Variants in PDE4D observed in about 807,000 individuals in gnomAD.
PDE4D encodes the protein 3',5'-cyclic-AMP phosphodiesterase 4D.
A neutral mutation model predicts 87.4 loss-of-function variants in PDE4D; 24 were observed. The observed-to-expected ratio is 0.27, with a 90% CI of 0.20 to 0.39. PDE4D has a LOEUF of 0.39. Among genes scored for constraint, PDE4D ranks in the 10% least tolerant of loss-of-function variants. The pLI, the probability that PDE4D is intolerant of heterozygous loss-of-function variation, is 1.00. For synonymous variants in PDE4D, 384 were observed against 383.2 expected, an observed-to-expected ratio of 1.00 and a Z score of -0.02; for missense variants, 714 against 1,041.0, an observed-to-expected ratio of 0.69 and a Z score of 4.32.
At position 59,041,138 on chromosome 5, in the gene PDE4D, T is replaced by C. The variant is rs936949282; in HGVS notation, c.809-2167A>G. 5.3e-5 allele frequency among the ~76,000 whole-genome samples: 8 copies of C among 152,158 alleles called. No homozygotes were observed. The East Asian group carries it at 1.2e-3, about 22-fold the overall frequency. Reference sequence around the variant, plus strand: ...TTGCCAGGTGAATTAAAGTTTCAGATTGAAGCTTTTTTTTCCCCCTTAACA... The same window carrying C: ...TTGCCAGGTGAATTAAAGTTTCAGACTGAAGCTTTTTTTTCCCCCTTAACA... On this transcript the variant is annotated intron_variant, in intron 5 of 14. Transcript: ENST00000340635.
intron 1 of PDE4D, among the ~76,000 whole-genome samples, chr5:60,509,236 G>GAA (rs113046851): frequency 3.9e-5 from 6 of 152,230 alleles, no homozygotes; most frequent in African/African-American, 1.4e-4. Context: ...AATCACCAGT[G>GAA]AAAAACACAA....
intron 6 of PDE4D, 99 bp downstream of exon 6, chr5:59,038,760 A>G: frequency 8.3e-7 from 1 of 1,208,118 alleles, no homozygotes; most frequent in Non-Finnish European, 1.1e-6. Flanking sequence ...AAGCCTAAAA[A>G]ACCTCTCAAT....
intron 2 of PDE4D, among the ~76,000 whole-genome samples, chr5:60,117,825 TAC>T (rs370541468): frequency 4.2e-4 from 62 of 147,910 alleles, no homozygotes; most frequent in African/African-American, 1.1e-3. Context: ...CACACACACA[TAC>T]ACACACACAC....
At chr5:59,578,722 G>A (rs180935785) in intron 1 of PDE4D, among the ~76,000 whole-genome samples, 46 of 152,056 alleles carry the variant, frequency 3.0e-4, no homozygotes, top group Middle Eastern at 3.4e-3. Flanking sequence ...AGAAAACACA[G>A]GGCATAAAAC....
At chr5:59,066,010 T>C (rs1448757921) in intron 5 of PDE4D, among the ~76,000 whole-genome samples, 1 of 152,132 alleles carries the variant, frequency 6.6e-6, no homozygotes, top group Non-Finnish European at 1.5e-5. Context: ...TAAGCAAAGA[T>C]GTCCCAATTT....
intron 1 of PDE4D, among the ~76,000 whole-genome samples, chr5:59,651,453 A>G (rs1490244903): frequency 6.6e-6 from 1 of 151,904 alleles, no homozygotes; most frequent in Non-Finnish European, 1.5e-5. Context: ...CACCGAGTGA[A>G]AAAATAATTT....
At chr5:60,035,404 CTG>C (rs760655133) in intron 2 of PDE4D, among the ~76,000 whole-genome samples, 3 of 152,118 alleles carry the variant, frequency 2.0e-5, no homozygotes, top group East Asian at 3.9e-4. Context: ...ATTTTTGTCT[CTG>C]TTTTACAGAT....
At chr5:60,287,717 T>C (rs1752539391) in intron 1 of PDE4D, among the ~76,000 whole-genome samples, 1 of 152,206 alleles carries the variant, frequency 6.6e-6, no homozygotes, top group South Asian at 2.1e-4. Flanking sequence ...AGTTTATACT[T>C]TCCCTGCTTT....
intron 2 of PDE4D, among the ~76,000 whole-genome samples, chr5:60,157,478 AAGC>A (rs1782078182): frequency 1.3e-5 from 2 of 152,296 alleles, no homozygotes; most frequent in Non-Finnish European, 2.9e-5. Flanking sequence ...AGAGAAAATA[AAGC>A]AGGTGAAGAT....
chr5:60,378,548 A>G (rs942751616), intron 1 of PDE4D, among the ~76,000 whole-genome samples: 1 of 152,082 alleles, frequency 6.6e-6, no homozygotes, highest in African/African-American at 2.4e-5. Flanking sequence ...AACATAAGTA[A>G]AATACTTTTA....
At chr5:59,865,417 T>C (rs1035032228) in intron 1 of PDE4D, among the ~76,000 whole-genome samples, 4 of 152,168 alleles carry the variant, frequency 2.6e-5, no homozygotes, top group Admixed American at 2.6e-4. Context: ...CTAAAACTGA[T>C]TAACTGAAAA....
intron 2 of PDE4D, among the ~76,000 whole-genome samples, chr5:60,045,725 T>C (rs1038910102): frequency 6.6e-5 from 10 of 152,330 alleles, no homozygotes; most frequent in Non-Finnish European, 8.8e-5. Flanking sequence ...GATCTATATG[T>C]CTGTTTTGGT....
chr5:59,461,086 A>G (rs184385944), intron 1 of PDE4D, among the ~76,000 whole-genome samples: 10 of 152,266 alleles, frequency 6.6e-5, no homozygotes, highest in African/African-American at 2.4e-4. Flanking sequence ...CTACTTTCAA[A>G]TATCTAAGAG....
chr5:60,185,858 C>G (rs1182262179), intron 1 of PDE4D, among the ~76,000 whole-genome samples: 2 of 149,556 alleles, frequency 1.3e-5, no homozygotes, highest in Admixed American at 6.7e-5. Context: ...TCCAAAACAG[C>G]TTTTGTTAAA....
chr5:59,290,133 T>C (rs1469781933), intron 1 of PDE4D, among the ~76,000 whole-genome samples: 1 of 151,814 alleles, frequency 6.6e-6, no homozygotes, highest in Non-Finnish European at 1.5e-5. Context: ...CCTATAAAAA[T>C]ACCAAGGACA....
At chr5:60,322,404 ACAC>A (rs1562323141) in intron 1 of PDE4D, among the ~76,000 whole-genome samples, 5 of 141,494 alleles carry the variant, frequency 3.5e-5, no homozygotes, top group African/African-American at 1.3e-4. Context: ...ACACACACAC[ACAC>A]ACACACACAA....
At chr5:60,294,614 C>T (rs930746957) in intron 1 of PDE4D, among the ~76,000 whole-genome samples, 1 of 151,832 alleles carries the variant, frequency 6.6e-6, no homozygotes, top group East Asian at 1.9e-4. Context: ...TATAAATAAG[C>T]CTCTCCATTC....
chr5:59,762,693 CAT>C (rs1472392957), intron 1 of PDE4D, among the ~76,000 whole-genome samples: 58 of 140,994 alleles, frequency 4.1e-4, no homozygotes, highest in African/African-American at 1.6e-3. Context: ...TATATAGGTT[CAT>C]ATATGTGTAT....
intron 3 of PDE4D, among the ~76,000 whole-genome samples, chr5:59,918,091 A>G (rs116768976): frequency 6.6e-6 from 1 of 152,158 alleles, no homozygotes; most frequent in Non-Finnish European, 1.5e-5. Context: ...GAAAAATAGT[A>G]TTATATTTAA....
Sources: allele counts gnomAD v4.1 joint callset (sites outside exome capture counted in the v4.1 genomes callset), GRCh38; gene constraint gnomAD v4.1.1; transcripts MANE v1.5; gene names NCBI Gene and HGNC (gene_info 2026-07-23, HGNC 2026-07-21).